GNA14: variants seen among roughly 807,000 people sequenced by gnomAD.
GNA14 encodes G protein subunit alpha 14, also known as guanine nucleotide-binding protein subunit alpha-14.
A neutral mutation model predicts 42.0 loss-of-function variants in GNA14; 50 were observed. That is an observed-to-expected ratio of 1.19 (90% confidence interval 0.95 to 1.51). The LOEUF is 1.51. Among genes scored for constraint, GNA14 ranks in the 40% most tolerant of loss-of-function variants. The pLI, the probability that GNA14 is intolerant of heterozygous loss-of-function variation, is 0.00. For missense variants in GNA14, 473 were observed against 446.2 expected (o/e 1.06, Z -0.54); for synonymous variants, 173 against 163.1 (o/e 1.06, Z -0.46).
chr9:77,430,153 T>C (rs1262175383), intron 4 of GNA14, among the ~76,000 whole-genome samples: 1 of 152,174 alleles, frequency 6.6e-6, no homozygotes, highest in Non-Finnish European at 1.5e-5. Context: ...ATTGCAATTG[T>C]CAAAAGGTTG....
intron 2 of GNA14, among the ~76,000 whole-genome samples, chr9:77,490,863 T>G (rs1205918835): frequency 2.0e-5 from 3 of 152,194 alleles, no homozygotes; most frequent in African/African-American, 7.2e-5. Context: ...GCTCCTCAAG[T>G]GCCGCTGAAG....
chr9:77,644,830 T>A (rs1013620218), intron 1 of GNA14, among the ~76,000 whole-genome samples: 1 of 152,190 alleles, frequency 6.6e-6, no homozygotes, highest in Non-Finnish European at 1.5e-5. Context: ...AACATCATTT[T>A]CCCTTATTTA....
intron 1 of GNA14, among the ~76,000 whole-genome samples, chr9:77,636,223 T>C (rs1231349545): frequency 1.3e-5 from 2 of 152,194 alleles, no homozygotes; most frequent in African/African-American, 2.4e-5. Context: ...AGGAAGGTCT[T>C]ATTTATGGCA....
In GNA14 at chr9:77,465,240, C is replaced by G. The variant is rs528109177; in HGVS notation, c.310-30718G>C. Among the ~76,000 whole-genome samples the G allele has an allele frequency of 3.9e-5, 6 of 152,334 alleles. No homozygotes were observed. In the South Asian group the frequency reaches 1.2e-3, roughly 32 times the overall value. ...CTCTGTCTCTATGAATTTGCCTATT[C>G]TGGATGTTTTCTATGTCGGACACCA... On this transcript the variant is annotated intron_variant, in intron 2 of 6. Transcript: ENST00000341700.
At chr9:77,451,029 A>G (rs1835893338) in intron 2 of GNA14, among the ~76,000 whole-genome samples, 1 of 151,982 alleles carries the variant, frequency 6.6e-6, no homozygotes. Context: ...TCTATAAATT[A>G]CCCAGTCTTG....
In GNA14 at chr9:77,639,219, C is replaced by A. The variant is rs145823990; in HGVS notation, c.124+8451G>T. 1.2e-4 allele frequency among the ~76,000 whole-genome samples: 18 copies of A among 152,286 alleles called. No individual in the cohort carries two copies. In the East Asian group the frequency reaches 2.7e-3, roughly 23 times the overall value. On this transcript the variant is annotated intron_variant, in intron 1 of 6. Transcript: ENST00000341700. The stretch of plus-strand genomic sequence containing the variant: ...AAAGGTAGGAGGCAGCAGCCCACCC[C>A]CTTTCCCTATGGTAGAAAGCTAAGG...
At chr9:77,530,062 A>T (rs531612759) in intron 1 of GNA14, among the ~76,000 whole-genome samples, 2 of 152,266 alleles carry the variant, frequency 1.3e-5, no homozygotes, top group East Asian at 3.9e-4. Flanking sequence ...TGTCCTATTC[A>T]TGGCTCCTCA....
intron 2 of GNA14, among the ~76,000 whole-genome samples, chr9:77,513,266 A>C (rs1837198288): frequency 1.3e-5 from 2 of 152,220 alleles, no homozygotes; most frequent in Admixed American, 1.3e-4. Flanking sequence ...AGAAGCATAC[A>C]GAACAATAGT....
At chr9:77,445,570 A>AAG (rs532481759) in intron 2 of GNA14, among the ~76,000 whole-genome samples, 2,011 of 151,242 alleles carry the variant, frequency 0.013, 20 homozygotes, top group Non-Finnish European at 0.022. Flanking sequence ...AAAAAAAAAA[A>AAG]AAAGAAAGGA....
At chr9:77,601,980 T>C (rs1823573519) in intron 1 of GNA14, among the ~76,000 whole-genome samples, 1 of 152,220 alleles carries the variant, frequency 6.6e-6, no homozygotes, top group African/African-American at 2.4e-5. Flanking sequence ...CTGTGCTCAG[T>C]CCTGCATCAT....
At chr9:77,432,913 G>A (rs1052364046) in intron 3 of GNA14, among the ~76,000 whole-genome samples, 8 of 152,118 alleles carry the variant, frequency 5.3e-5, no homozygotes, top group Admixed American at 3.3e-4. Flanking sequence ...TCAAAGGCAA[G>A]CCCTCCTCCA....
intron 1 of GNA14, among the ~76,000 whole-genome samples, chr9:77,550,530 T>G (rs951358487): frequency 3.9e-5 from 6 of 152,204 alleles, no homozygotes; most frequent in Non-Finnish European, 7.3e-5. Context: ...TACATATCAA[T>G]ATCCACCCTG....
chr9:77,496,347 T>G (rs141378352), intron 2 of GNA14, among the ~76,000 whole-genome samples: 1 of 152,202 alleles, frequency 6.6e-6, no homozygotes, highest in Non-Finnish European at 1.5e-5. Flanking sequence ...GGACATAAAA[T>G]AGGAATTCTT....
At chr9:77,532,248 T>C (rs1204015278) in intron 1 of GNA14, among the ~76,000 whole-genome samples, 1 of 152,202 alleles carries the variant, frequency 6.6e-6, no homozygotes, top group Non-Finnish European at 1.5e-5. Context: ...CGTCCCAGGA[T>C]AGCACCCCTA....
intron 2 of GNA14, among the ~76,000 whole-genome samples, chr9:77,521,588 G>C (rs910847543): frequency 6.6e-6 from 1 of 152,108 alleles, no homozygotes; most frequent in African/African-American, 2.4e-5. Flanking sequence ...AGTGGAGCTG[G>C]AGGAGTTATT....
chr9:77,601,759 T>C (rs1823568863), intron 1 of GNA14, among the ~76,000 whole-genome samples: 1 of 152,130 alleles, frequency 6.6e-6, no homozygotes, highest in Non-Finnish European at 1.5e-5. Flanking sequence ...CAGTGGGCAG[T>C]CCCATCTGAC....
intron 2 of GNA14, among the ~76,000 whole-genome samples, chr9:77,452,388 C>T (rs549690237): frequency 1.3e-4 from 20 of 152,122 alleles, no homozygotes; most frequent in Admixed American, 3.3e-4. Flanking sequence ...TTCAGTCCAG[C>T]GATGCCTTTA....
chr9:77,468,949 CA>C (rs1364209313), intron 2 of GNA14, among the ~76,000 whole-genome samples: 1 of 152,200 alleles, frequency 6.6e-6, no homozygotes, highest in Non-Finnish European at 1.5e-5. Flanking sequence ...TTAAAACTCT[CA>C]ACACATGCAG....
At chr9:77,453,422 C>T (rs980010187) in intron 2 of GNA14, among the ~76,000 whole-genome samples, 3 of 152,206 alleles carry the variant, frequency 2.0e-5, no homozygotes, top group Non-Finnish European at 2.9e-5. Flanking sequence ...TGTACTCCCA[C>T]GTGCCTAGAA....
Sources: gnomAD v4.1 joint callset for allele counts (sites outside exome capture counted in the v4.1 genomes callset) on GRCh38, gnomAD v4.1.1 for gene constraint, MANE v1.5 for transcripts, NCBI Gene and HGNC (gene_info 2026-07-23, HGNC 2026-07-21) for gene names.